OR1L8: variants seen among roughly 807,000 people sequenced by gnomAD.
The protein encoded by OR1L8 is olfactory receptor 1L8.
For missense variants in OR1L8, 330 were observed against 377.4 expected, an observed-to-expected ratio of 0.87 and a Z score of 1.04; for synonymous variants, 148 against 147.0, an observed-to-expected ratio of 1.01 and a Z score of -0.05.
chr9:122,551,242 G>A, the OR1L8 span, among the ~76,000 whole-genome samples: 16 of 152,148 alleles, frequency 1.1e-4, no homozygotes, highest in African/African-American at 3.6e-4. Flanking sequence ...AAGCATAGTG[G>A]ATAATAGCAT....
chr9:122,570,362 A>G (rs1298769840), intron 4 of OR1L8, among the ~76,000 whole-genome samples: 3 of 152,232 alleles, frequency 2.0e-5, no homozygotes, highest in African/African-American at 7.2e-5. Flanking sequence ...TCTTTACAGC[A>G]GTATATTCTT....
chr9:122,564,157 C>T (rs1458940831), downstream of OR1L8, among the ~76,000 whole-genome samples: 1 of 152,118 alleles, frequency 6.6e-6, no homozygotes, highest in African/African-American at 2.4e-5. Flanking sequence ...CACGAAACAT[C>T]ACTGTTGCCC....
chr9:122,556,726 T>C, the OR1L8 span, among the ~76,000 whole-genome samples: 1 of 152,184 alleles, frequency 6.6e-6, no homozygotes, highest in Non-Finnish European at 1.5e-5. Flanking sequence ...AACTTGTTCT[T>C]CCATAATGTG....
the OR1L8 span, among the ~76,000 whole-genome samples, chr9:122,557,300 C>T: frequency 1.3e-5 from 2 of 151,920 alleles, no homozygotes; most frequent in African/African-American, 4.8e-5. Flanking sequence ...TGCCTTGTTC[C>T]TGATCTTAGT....
chr9:122,553,222 C>G, the OR1L8 span: 2 of 1,613,542 alleles, frequency 1.2e-6, no homozygotes, highest in Non-Finnish European at 1.7e-6. Context: ...ATGGGAAAAC[C>G]AGGCAGAGTG....
In OR1L8 at chr9:122,583,318, C is replaced by A. The variant is rs567293729; in HGVS notation, c.-600+3G>T. On this transcript the variant is annotated splice_donor_region_variant and intron_variant, in intron 1 of 4. Coordinates refer to ENST00000641027, the MANE Select transcript of OR1L8 (RefSeq NM_001004454.2). Reference sequence around the variant, plus strand: ...AAAAAACAGTAAAATATGAGAAACTCACAGTCAAGAGAAGCCGAAGGAGAC... The same window carrying A: ...AAAAAACAGTAAAATATGAGAAACTAACAGTCAAGAGAAGCCGAAGGAGAC... The A allele has an allele frequency of 6.6e-6, 1 of 151,422 alleles. No individual in the cohort carries two copies. Among genetic ancestry groups the A allele is most frequent in the African/African-American group, 2.4e-5 (1 of 41,234 alleles). The allele number at this position is 151,422 out of a possible 1,614,324, so 9.4% of individuals were successfully genotyped here.
the OR1L8 span, among the ~76,000 whole-genome samples, chr9:122,561,604 C>T: frequency 4.6e-5 from 7 of 151,992 alleles, no homozygotes; most frequent in African/African-American, 9.7e-5. Flanking sequence ...TGTAGGGCTG[C>T]TGTGGTTTGC....
chr9:122,547,620 A>AGTGTGTGTGT, the OR1L8 span, among the ~76,000 whole-genome samples: 1,087 of 142,954 alleles, frequency 7.6e-3, 2 homozygotes, highest in East Asian at 0.016. Flanking sequence ...GTAGTAGTTC[A>AGTGTGTGTGT]GTGTGTGTGT....
the OR1L8 span, among the ~76,000 whole-genome samples, chr9:122,551,784 TA>T: frequency 0.012 from 1,829 of 152,236 alleles, 11 homozygotes; most frequent in Non-Finnish European, 0.019. Flanking sequence ...GATGGTGTTC[TA>T]GGAGCCTTTA....
chr9:122,561,379 G>C, the OR1L8 span, among the ~76,000 whole-genome samples: 1 of 152,162 alleles, frequency 6.6e-6, no homozygotes, highest in Middle Eastern at 3.2e-3. Flanking sequence ...TCACGCCCTT[G>C]CTGGAGAGGT....
In OR1L8 at chr9:122,567,948, T is replaced by C; in HGVS notation, c.530A>G (p.His177Arg). ...LTFCDSNVIH[H>R]FLCDLSPVLK... ...CACAGGGCTGAGGTCACAGAGAAAG[T>C]GGTGGATAACATTGGAGTCACAGAA... Residue 177 changes from histidine to arginine, a missense_variant, in exon 5 of 5, where the codon CAC (histidine) becomes CGC (arginine). By Grantham distance (29) the His-to-Arg change is conservative (BLOSUM62 0). Coordinates refer to ENST00000641027, the MANE Select transcript of OR1L8 (RefSeq NM_001004454.2). The C allele has an allele frequency of 6.2e-7, 1 of 1,613,920 alleles. No individual in the cohort carries two copies.
In OR1L8 at chr9:122,570,906, A is replaced by T. The variant is rs1192934141; in HGVS notation, c.-213+1874T>A. The stretch of plus-strand genomic sequence containing the variant: ...AATAAGGAATTAAGAGGCATATGTT[A>T]TTACTGTTGCCATTTTTACATACAG... On this transcript the variant is annotated intron_variant, in intron 4 of 4. Coordinates refer to ENST00000641027, the MANE Select transcript of OR1L8 (RefSeq NM_001004454.2). 2.0e-5 allele frequency among the ~76,000 whole-genome samples: 3 copies of T among 152,320 alleles called. No homozygotes were observed. The East Asian group carries it at 5.8e-4, about 29-fold the overall frequency.
In OR1L8 at chr9:122,567,821, A is replaced by G. The variant is rs1179977980; in HGVS notation, c.657T>C (p.Tyr219=). The G allele has an allele frequency of 6.2e-7, 1 of 1,613,998 alleles. No homozygotes were observed. Among genetic ancestry groups the G allele is most frequent in the Admixed American group, 1.7e-5 (1 of 59,994 alleles). Residue 219 remains tyrosine, a synonymous_variant, in exon 5 of 5, where the codon TAT becomes TAC. Transcript: ENST00000641027. The part of the protein sequence containing the change: ...VTRFLCIAFS[Y]IRILTTVLKI... ...TGAGAACTGTAGTGAGGATTCGTAT[A>G]TAAGAGAAAGCAATGCAGAGAAAAC... is the stretch of plus-strand genomic sequence containing the variant.
In OR1L8 at chr9:122,568,148, G is replaced by A. The variant is rs1308334991; in HGVS notation, c.330C>T (p.Asn110=). 2.5e-6 allele frequency: 4 copies of A among 1,614,152 alleles called. No homozygotes were observed. The highest frequency in any genetic ancestry group is 3.4e-6 in the Non-Finnish European group (4 of 1,179,992). Residue 110 remains asparagine, a synonymous_variant, in exon 5 of 5, where the codon AAC becomes AAT. Coordinates refer to ENST00000641027, the MANE Select transcript of OR1L8 (RefSeq NM_001004454.2). ...TGACTGCCAGAAGGCAGCTGTCACT[G>A]TTGCCCAAGGCATAGAGAAAATACA... The part of the protein sequence containing the change: ...TQMYFLYALG[N]SDSCLLAVMA...
the OR1L8 span, among the ~76,000 whole-genome samples, chr9:122,556,147 G>A: frequency 1.3e-5 from 2 of 152,104 alleles, no homozygotes; most frequent in African/African-American, 4.8e-5. Context: ...TTTTCAGATT[G>A]GCTTCTTTCA....
At chr9:122,563,907 A>T (rs1829389484), downstream of OR1L8, among the ~76,000 whole-genome samples, 1 of 152,220 alleles carries the variant, frequency 6.6e-6, no homozygotes, top group Non-Finnish European at 1.5e-5. Flanking sequence ...CTTTGTCAAA[A>T]ATCAGTTGGC....
the OR1L8 span, among the ~76,000 whole-genome samples, chr9:122,561,224 G>A: frequency 1.3e-5 from 2 of 152,078 alleles, no homozygotes; most frequent in African/African-American, 4.8e-5. Context: ...GATTGTTCTA[G>A]TTAGCAGCTC....
chr9:122,557,539 C>T, the OR1L8 span, among the ~76,000 whole-genome samples: 3 of 152,038 alleles, frequency 2.0e-5, no homozygotes, highest in African/African-American at 7.2e-5. Context: ...AGTAGCCCTG[C>T]ATTCCTGAGA....
At chr9:122,577,208 T>C (rs900261195) in intron 2 of OR1L8, among the ~76,000 whole-genome samples, 1 of 152,210 alleles carries the variant, frequency 6.6e-6, no homozygotes, top group African/African-American at 2.4e-5. Flanking sequence ...AAGCATTTAA[T>C]CTATTCATAC....
Sources: allele counts gnomAD v4.1 joint callset (sites outside exome capture counted in the v4.1 genomes callset), GRCh38; gene constraint gnomAD v4.1.1; transcripts MANE v1.5; gene names NCBI Gene and HGNC (gene_info 2026-07-23, HGNC 2026-07-21).